Variants in CBLL1 observed in about 807,000 individuals in gnomAD.
CBLL1 encodes E3 ubiquitin-protein ligase Hakai.
In CBLL1, 4 loss-of-function variants were observed where a neutral mutation model predicts 44.9. The ratio of observed to expected loss-of-function variants is 0.09; its 90% CI spans 0.04 to 0.20. The LOEUF (loss-of-function observed/expected upper bound fraction) is 0.20, where lower values mean the gene tolerates loss of function less well. Among genes scored for constraint, CBLL1 ranks in the 10% least tolerant of loss-of-function variants. CBLL1 has a pLI of 1.00. For synonymous variants in CBLL1, 235 were observed against 202.2 expected (o/e 1.16, Z -1.38); for missense variants, 569 against 636.7 (o/e 0.89, Z 1.14).
At chr7:107,754,213 A>G (rs527292432) in intron 4 of CBLL1, 32 of 263,554 alleles carry the variant, frequency 1.2e-4, no homozygotes, top group African/African-American at 6.4e-4. Flanking sequence ...CTGAAAACTA[A>G]TTCCTTTGGA....
Position 107,759,238 on chromosome 7 carries a change from T to G in CBLL1, c.*60T>G, listed in dbSNP as rs1793667848. 7.0e-7 allele frequency: 1 copy of G among 1,427,602 alleles called. No homozygotes were observed. The allele number at this position is 1,427,602 out of a possible 1,614,324, so 88.4% of individuals were successfully genotyped here. On this transcript the variant is annotated 3_prime_UTR_variant, in exon 6 of 6. Transcript: ENST00000440859. ...AAAAACTTATGTGTAGTCAATCTTTTAAGCTTTGACTGTTTTGGGAAGGAA... is the reference window on the plus strand; with the variant it reads ...AAAAACTTATGTGTAGTCAATCTTTGAAGCTTTGACTGTTTTGGGAAGGAA...
chr7:107,749,216 A>G, intron 2 of CBLL1, 169 bp downstream of exon 2: 1 of 523,784 alleles, frequency 1.9e-6, no homozygotes, highest in Non-Finnish European at 3.1e-6. Context: ...TTTCCTTTAT[A>G]AATATTTTTT....
At position 107,760,812 on chromosome 7, in the gene CBLL1, G is replaced by C. The variant is rs190925953; in HGVS notation, c.*1634G>C. ...AACAAATTCTCATCTTGAATGATCA[G>C]ATGCAAAATCATTTCTGAACCCTAG... On this transcript the variant is annotated 3_prime_UTR_variant, in exon 6 of 6. Transcript: ENST00000440859. 658 of 152,236 alleles carry C rather than the reference G, an allele frequency of 4.3e-3. 9 individuals are homozygous for C. The highest frequency in any genetic ancestry group is 0.027 in the Admixed American group (409 of 15,282). The allele number at this position is 152,236 out of a possible 1,614,324, so 9.4% of individuals were successfully genotyped here.
rs1262319883 is a variant in CBLL1 at position 107,759,687 on chromosome 7, TCTA to T, written c.*513_*515del. Reference sequence around the variant, plus strand: ...TATAATAAAATCCTGAAAGTAAAAATCTACTAGAATTTGCTGTAAGGCAGACTG... The same window carrying T: ...TATAATAAAATCCTGAAAGTAAAAATCTAGAATTTGCTGTAAGGCAGACTG... On this transcript the variant is annotated 3_prime_UTR_variant, in exon 6 of 6. Coordinates refer to ENST00000440859, the MANE Select transcript of CBLL1 (RefSeq NM_024814.4). The T allele has an allele frequency of 2.0e-5, 3 of 153,474 alleles. No individual in the cohort carries two copies. The highest frequency in any genetic ancestry group is 4.4e-5 in the Non-Finnish European group (3 of 68,656). 9.5% of individuals were successfully genotyped at this position (153,474 alleles called of 1,614,324 possible).
At chr7:107,745,582 T>TA (rs1465989188) in intron 1 of CBLL1, among the ~76,000 whole-genome samples, 2 of 152,152 alleles carry the variant, frequency 1.3e-5, no homozygotes, top group Non-Finnish European at 1.5e-5. Flanking sequence ...CACAGTCTCT[T>TA]AAAAAATACA....
At chr7:107,746,844 A>G (rs530101681) in intron 1 of CBLL1, among the ~76,000 whole-genome samples, 1 of 152,352 alleles carries the variant, frequency 6.6e-6, no homozygotes, top group South Asian at 2.1e-4. Flanking sequence ...AAGAATTAGC[A>G]CTTCTGTAAC....
chr7:107,756,630 TA>T, intron 5 of CBLL1, among the ~76,000 whole-genome samples: 1 of 152,156 alleles, frequency 6.6e-6, no homozygotes, highest in Non-Finnish European at 1.5e-5. Flanking sequence ...TCAGATGTGA[TA>T]AAACATTATT....
chr7:107,745,578 C>G (rs945498687), intron 1 of CBLL1, among the ~76,000 whole-genome samples: 2 of 152,066 alleles, frequency 1.3e-5, no homozygotes, highest in Non-Finnish European at 2.9e-5. Context: ...GGAACACAGT[C>G]TCTTAAAAAA....
rs1203434929 is a variant in CBLL1 at position 107,761,071 on chromosome 7, A to G, written c.*1893A>G. 1.3e-5 allele frequency: 2 copies of G among 152,186 alleles called. No homozygotes were observed. Among genetic ancestry groups the G allele is most frequent in the Non-Finnish European group, 2.9e-5 (2 of 67,904 alleles). The allele number at this position is 152,186 out of a possible 1,614,324, so 9.4% of individuals were successfully genotyped here. A position where few individuals can be genotyped will look rare whatever the true frequency, so the allele number is the denominator to read the frequency against. On this transcript the variant is annotated 3_prime_UTR_variant, in exon 6 of 6. Transcript: ENST00000440859. ...TACTGTAGGTACTTGGACTGGTGCA[A>G]ACTTGATTCCTTTTCATCCCCCTGT...
chr7:107,751,797 A>G (rs1793302937), intron 2 of CBLL1, among the ~76,000 whole-genome samples: 2 of 152,178 alleles, frequency 1.3e-5, no homozygotes, highest in Admixed American at 6.5e-5. Context: ...CTAGGCATCA[A>G]TCAAAATATA....
In CBLL1 at chr7:107,753,394, T is replaced by G; in HGVS notation, c.182-17T>G. The G allele has an allele frequency of 6.6e-7, 1 of 1,513,050 alleles. No individual in the cohort carries two copies. Among genetic ancestry groups the G allele is most frequent in the Non-Finnish European group, 9.0e-7 (1 of 1,113,376 alleles). The allele number at this position is 1,513,050 out of a possible 1,614,324, so 93.7% of individuals were successfully genotyped here. ...TGAGATTTGGAAAGTTAATGGGCAA[T>G]ACTTTTTTTTTCTCAGAAGGATTTG... On this transcript the variant is annotated splice_polypyrimidine_tract_variant and intron_variant, in intron 2 of 5. Transcript: ENST00000440859.
Position 107,758,513 on chromosome 7 carries a change from C to T in CBLL1, c.811C>T (p.Pro271Ser). ...RAPPAELSMA[P>S]PPPRSVSQET... Reference sequence around the variant, plus strand: ...TCCTCCAGCAGAATTGTCCATGGCTCCACCTCCACCTCGATCGGTCAGTCA... The same window carrying T: ...TCCTCCAGCAGAATTGTCCATGGCTTCACCTCCACCTCGATCGGTCAGTCA... Residue 271 changes from proline to serine, a missense_variant, in exon 6 of 6, where the codon CCA becomes TCA. Coordinates refer to ENST00000440859, the MANE Select transcript of CBLL1 (RefSeq NM_024814.4). This position sits in a 1 kb window ranked among gnomAD's most constrained non-coding sequence, Gnocchi z 4.2. The T allele has an allele frequency of 1.2e-6, 2 of 1,614,138 alleles. No homozygotes were observed. Among genetic ancestry groups the T allele is most frequent in the Non-Finnish European group, 8.5e-7 (1 of 1,180,026 alleles).
At chr7:107,745,713 AG>A (rs1792982682) in intron 1 of CBLL1, among the ~76,000 whole-genome samples, 1 of 152,214 alleles carries the variant, frequency 6.6e-6, no homozygotes, top group South Asian at 2.1e-4. Context: ...GGGCAGCTTC[AG>A]TAAATACTCT....
rs1438725743 is a variant in CBLL1 at position 107,755,603 on chromosome 7, C to T, written c.440+112C>T. 6.1e-5 allele frequency: 32 copies of T among 520,460 alleles called. No individual in the cohort carries two copies. The East Asian group carries it at 8.8e-4, about 14-fold the overall frequency. 32.2% of individuals were successfully genotyped at this position (520,460 alleles called of 1,614,324 possible). On this transcript the variant is annotated intron_variant, in intron 5 of 5. Transcript: ENST00000440859. The stretch of plus-strand genomic sequence containing the variant: ...TAAATCAGGCAGGAGATGAAACATA[C>T]AGACATGGCTAATCTTTTTCTGTGA...
At chr7:107,744,480 A>G (rs544216678) in intron 1 of CBLL1, 38 of 396,924 alleles carry the variant, frequency 9.6e-5, no homozygotes, top group African/African-American at 7.0e-4. Context: ...GCTCTGTTTT[A>G]TTTAGCCCAG....
At chr7:107,750,504 CTG>C (rs1167061377) in intron 2 of CBLL1, among the ~76,000 whole-genome samples, 2 of 151,910 alleles carry the variant, frequency 1.3e-5, no homozygotes, top group African/African-American at 2.4e-5. Context: ...CGGGGTTTCA[CTG>C]TGTTAGCCAG....
chr7:107,759,277 C>A lies in CBLL1; in HGVS notation c.*99C>A. On this transcript the variant is annotated 3_prime_UTR_variant, in exon 6 of 6. Transcript: ENST00000440859. ...TTTGGGAAGGAAGAGTACCTCTTAT[C>A]GAGGTAGTATAAAACACATAGGGTC... 1 of 1,044,856 alleles carries A rather than the reference C, an allele frequency of 9.6e-7. No homozygotes were observed. Among genetic ancestry groups the A allele is most frequent in the Non-Finnish European group, 1.4e-6 (1 of 721,400 alleles). 64.7% of individuals were successfully genotyped at this position (1,044,856 alleles called of 1,614,324 possible).
chr7:107,747,533 A>T (rs896569807), intron 1 of CBLL1, among the ~76,000 whole-genome samples: 1 of 152,206 alleles, frequency 6.6e-6, no homozygotes, highest in African/African-American at 2.4e-5. Context: ...CTACAATGAA[A>T]ACAGATCAAA....
intron 2 of CBLL1, among the ~76,000 whole-genome samples, chr7:107,750,556 G>A (rs1034643029): frequency 3.3e-5 from 5 of 151,302 alleles, no homozygotes; most frequent in South Asian, 2.1e-4. Context: ...CGCCCGCATC[G>A]GCCTCCCAAA....
Sources: gnomAD v4.1 joint callset for allele counts (sites outside exome capture counted in the v4.1 genomes callset) on GRCh38, gnomAD v4.1.1 for gene constraint, Gnocchi (gnomAD v3.1) non-coding constraint, MANE v1.5 for transcripts, NCBI Gene and HGNC (gene_info 2026-07-23, HGNC 2026-07-21) for gene names.